Variants in OR2T6 observed in about 807,000 individuals in gnomAD.
OR2T6 encodes olfactory receptor 2T6.
For missense variants in OR2T6, 424 were observed against 391.6 expected (o/e 1.08, Z -0.70); for synonymous variants, 174 against 148.0 (o/e 1.18, Z -1.27).
chr1:248,390,170 C>T lies in OR2T6; in HGVS notation c.*1635C>T, dbSNP rs1481602754. 1.3e-5 allele frequency: 2 copies of T among 152,174 alleles called. No individual in the cohort carries two copies. The highest frequency in any genetic ancestry group is 2.9e-5 in the Non-Finnish European group (2 of 68,026). 9.4% of individuals were successfully genotyped at this position (152,174 alleles called of 1,614,324 possible). On this transcript the variant is annotated 3_prime_UTR_variant, in exon 3 of 3. Coordinates refer to ENST00000641644, the MANE Select transcript of OR2T6 (RefSeq NM_001005471.2). Reference sequence around the variant, plus strand: ...ATCTTATCCTTGTTGGAAAAGTGCTCTATGAAATATAAAATAAAGTCTTTT... The same window carrying T: ...ATCTTATCCTTGTTGGAAAAGTGCTTTATGAAATATAAAATAAAGTCTTTT...
At position 248,388,019 on chromosome 1, in the gene OR2T6, C is replaced by G; in HGVS notation, c.411C>G (p.Ser137Arg). The G allele has an allele frequency of 6.2e-7, 1 of 1,613,394 alleles. No individual in the cohort carries two copies. Among genetic ancestry groups the G allele is most frequent in the Non-Finnish European group, 8.5e-7 (1 of 1,179,640 alleles). The change falls in exon 3 of 3, where the codon AGC (serine) becomes AGG (arginine). Residue 137 changes from serine (S) to arginine (R), a missense_variant. Ser to Arg is a moderately radical substitution (Grantham distance 110). Coordinates refer to ENST00000641644, the MANE Select transcript of OR2T6 (RefSeq NM_001005471.2). ...CACTGCGCTATCCTGTCCTCATCAG[C>G]TGGCGGGTCTGCTGGATGATCCTGG... ...CNPLRYPVLISWRVCWMILAS... is the reference protein window; with the variant it reads ...CNPLRYPVLIRWRVCWMILAS...
At chr1:248,382,981 A>C (rs1661065725) in intron 1 of OR2T6, among the ~76,000 whole-genome samples, 1 of 152,204 alleles carries the variant, frequency 6.6e-6, no homozygotes, top group African/African-American at 2.4e-5. Flanking sequence ...TTTAATTGTC[A>C]TGGGTAAAGC....
intron 1 of OR2T6, among the ~76,000 whole-genome samples, chr1:248,380,323 G>A (rs1290954655): frequency 6.6e-6 from 1 of 151,706 alleles, no homozygotes; most frequent in Admixed American, 6.6e-5. Flanking sequence ...TCTGTAGTTG[G>A]ATCATTTTTC....
intron 1 of OR2T6, among the ~76,000 whole-genome samples, chr1:248,381,681 CTT>C (rs959164371): frequency 5.3e-5 from 8 of 151,812 alleles, no homozygotes; most frequent in East Asian, 1.9e-4. Flanking sequence ...ATATATATGT[CTT>C]TGTTGATAAG....
At chr1:248,385,500 A>T (rs1257978546) in intron 2 of OR2T6, among the ~76,000 whole-genome samples, 1 of 152,194 alleles carries the variant, frequency 6.6e-6, no homozygotes, top group African/African-American at 2.4e-5. Context: ...TCCTGGAATC[A>T]GTTTTCCCAG....
In OR2T6 at chr1:248,390,044, G is replaced by A. The variant is rs1186551441; in HGVS notation, c.*1509G>A. 1 of 152,192 alleles carries A rather than the reference G, an allele frequency of 6.6e-6. No homozygotes were observed. Among genetic ancestry groups the A allele is most frequent in the African/African-American group, 2.4e-5 (1 of 41,456 alleles). The allele number at this position is 152,192 out of a possible 1,614,324, so 9.4% of individuals were successfully genotyped here. On this transcript the variant is annotated 3_prime_UTR_variant, in exon 3 of 3. Transcript: ENST00000641644. The stretch of plus-strand genomic sequence containing the variant: ...GAAGGCCTGCTCTTTTACGGTTACA[G>A]AGTCCTCCCATGAGAACTGATCATG...
chr1:248,376,263 G>T (rs1026585451), intron 1 of OR2T6, among the ~76,000 whole-genome samples: 2 of 152,174 alleles, frequency 1.3e-5, no homozygotes, highest in South Asian at 4.1e-4. Flanking sequence ...TAATTAAATC[G>T]AATGGGATTG....
At chr1:248,379,024 C>T (rs1004220917) in intron 1 of OR2T6, among the ~76,000 whole-genome samples, 1 of 151,920 alleles carries the variant, frequency 6.6e-6, no homozygotes, top group African/African-American at 2.4e-5. Context: ...AATACAAAAA[C>T]ATAAGCTGGA....
chr1:248,381,174 A>G (rs894158997), intron 1 of OR2T6, among the ~76,000 whole-genome samples: 4 of 151,676 alleles, frequency 2.6e-5, no homozygotes, highest in African/African-American at 9.7e-5. Flanking sequence ...ACATGTACAC[A>G]CATACAAACA....
At chr1:248,377,788 A>T (rs905510936) in intron 1 of OR2T6, among the ~76,000 whole-genome samples, 4 of 152,168 alleles carry the variant, frequency 2.6e-5, no homozygotes, top group Non-Finnish European at 4.4e-5. Flanking sequence ...AAATCTCCTG[A>T]TTGCTCTACC....
intron 1 of OR2T6, among the ~76,000 whole-genome samples, chr1:248,379,370 G>A (rs975485733): frequency 1.3e-5 from 2 of 152,162 alleles, no homozygotes; most frequent in African/African-American, 4.8e-5. Context: ...CAGGCAGAGA[G>A]AGCTCCTGAG....
At chr1:248,380,218 C>G (rs1447711251) in intron 1 of OR2T6, among the ~76,000 whole-genome samples, 2 of 151,900 alleles carry the variant, frequency 1.3e-5, no homozygotes. Context: ...CAAAACTATA[C>G]TTTAAAATCG....
At position 248,382,447 on chromosome 1, in the gene OR2T6, C is replaced by T. The variant is rs1343717043; in HGVS notation, c.-158-2264C>T. On this transcript the variant is annotated intron_variant, in intron 1 of 2. Coordinates refer to ENST00000641644, the MANE Select transcript of OR2T6 (RefSeq NM_001005471.2). ...TTTCAATTTTTATTAATAATTCTCT[C>T]CTATTTGTGAAATCACTCTTTTTAA... Among the ~76,000 whole-genome samples, 5 of 151,928 alleles carry T rather than the reference C, an allele frequency of 3.3e-5. No individual in the cohort carries two copies. In the South Asian group the frequency reaches 6.3e-4, roughly 19 times the overall value.
chr1:248,376,029 T>C lies in OR2T6; in HGVS notation c.-184T>C, dbSNP rs1660934689. On this transcript the variant is annotated 5_prime_UTR_variant, in exon 1 of 3. Coordinates refer to ENST00000641644, the MANE Select transcript of OR2T6 (RefSeq NM_001005471.2). Reference sequence around the variant, plus strand: ...CAATTTTGTCTTTACCTAATATTCCTCTCTCTGGATATATTATACCTGTAA... The same window carrying C: ...CAATTTTGTCTTTACCTAATATTCCCCTCTCTGGATATATTATACCTGTAA... 1 of 152,182 alleles carries C rather than the reference T, an allele frequency of 6.6e-6. No homozygotes were observed. The highest frequency in any genetic ancestry group is 6.5e-5 in the Admixed American group (1 of 15,282). The allele number at this position is 152,182 out of a possible 1,614,324, so 9.4% of individuals were successfully genotyped here. A position where few individuals can be genotyped will look rare whatever the true frequency, so the allele number is the denominator to read the frequency against.
At position 248,388,420 on chromosome 1, in the gene OR2T6, A is replaced by G. The variant is rs1421057920; in HGVS notation, c.812A>G (p.Asp271Gly). ...LPQSYHTPIK[D>G]KVFSAFYTIL... ...CAATCTTACCACACCCCAATCAAAG[A>G]TAAGGTCTTCTCTGCCTTTTATACC... The change falls in exon 3 of 3, where the codon GAT (aspartate) becomes GGT (glycine). Residue 271 changes from aspartate to glycine, a missense_variant. Asp to Gly is a moderately conservative substitution (Grantham distance 94). Coordinates refer to ENST00000641644, the MANE Select transcript of OR2T6 (RefSeq NM_001005471.2). 3 of 1,613,702 alleles carry G rather than the reference A, an allele frequency of 1.9e-6. No individual in the cohort carries two copies. The highest frequency in any genetic ancestry group is 2.5e-6 in the Non-Finnish European group (3 of 1,179,812).
chr1:248,384,621 A>G, intron 1 of OR2T6, 90 bp from the exon 2 acceptor site: 1 of 103,908 alleles, frequency 9.6e-6, no homozygotes, highest in Non-Finnish European at 2.3e-5. Flanking sequence ...TCATGGAGAA[A>G]GCACTGCACT....
chr1:248,381,750 A>G (rs960160017), intron 1 of OR2T6, among the ~76,000 whole-genome samples: 20 of 152,084 alleles, frequency 1.3e-4, no homozygotes, highest in Admixed American at 6.5e-4. Context: ...TTAAATATAT[A>G]TATATTTAAC....
intron 1 of OR2T6, among the ~76,000 whole-genome samples, chr1:248,377,761 C>A (rs1660961074): frequency 6.6e-6 from 1 of 152,180 alleles, no homozygotes; most frequent in Admixed American, 6.5e-5. Context: ...ATTCTTCAAT[C>A]TCCATTCAGT....
rs1451680920 is a variant in OR2T6 at position 248,388,471 on chromosome 1, T to C, written c.863T>C (p.Leu288Pro). The C allele has an allele frequency of 6.2e-7, 1 of 1,606,348 alleles. No homozygotes were observed. Among genetic ancestry groups the C allele is most frequent in the Non-Finnish European group, 8.5e-7 (1 of 1,176,168 alleles). ...YTILTPLLNP[L>P]IYSLRNRDVM... ...ATCCTCACACCCTTATTAAACCCTCTCATCTACAGTCTGAGGAACAGGGAT... is the reference window on the plus strand; with the variant it reads ...ATCCTCACACCCTTATTAAACCCTCCCATCTACAGTCTGAGGAACAGGGAT... The change falls in exon 3 of 3, where the codon CTC becomes CCC. Residue 288 changes from leucine to proline, a missense_variant. Transcript: ENST00000641644.
Sources: gnomAD v4.1 joint callset for allele counts (sites outside exome capture counted in the v4.1 genomes callset) on GRCh38, gnomAD v4.1.1 for gene constraint, MANE v1.5 for transcripts, NCBI Gene and HGNC (gene_info 2026-07-23, HGNC 2026-07-21) for gene names.